MPDZ: variants seen among roughly 807,000 people sequenced by gnomAD.
MPDZ encodes multiple PDZ domain protein.
A neutral mutation model predicts 239.1 loss-of-function variants in MPDZ; 234 were observed. The observed-to-expected ratio is 0.98, with a 90% confidence interval of 0.88 to 1.09. The LOEUF is 1.09. MPDZ is among the 50% of genes least tolerant of loss of function. The pLI, the probability that MPDZ is intolerant of heterozygous loss-of-function variation, is 0.00. For missense variants in MPDZ, 3,175 were observed against 2,510.0 expected, an observed-to-expected ratio of 1.26 and a Z score of -5.66; for synonymous variants, 1,048 against 881.3, an observed-to-expected ratio of 1.19 and a Z score of -3.35.
chr9:13,177,062 A>T (rs914011276), intron 19 of MPDZ, among the ~76,000 whole-genome samples: 1 of 152,206 alleles, frequency 6.6e-6, no homozygotes, highest in Non-Finnish European at 1.5e-5. Context: ...AACAATTTGT[A>T]TATCACAGAA....
intron 22 of MPDZ, among the ~76,000 whole-genome samples, chr9:13,164,862 T>C (rs1162978075): frequency 6.6e-6 from 1 of 152,114 alleles, no homozygotes; most frequent in Non-Finnish European, 1.5e-5. Context: ...GGTCACAGGA[T>C]CATACAGAAC....
chr9:13,221,363 G>A lies in MPDZ; in HGVS notation c.876+9C>T, dbSNP rs1959073994. 6.3e-7 allele frequency: 1 copy of A among 1,596,310 alleles called. No homozygotes were observed. Among genetic ancestry groups the A allele is most frequent in the Non-Finnish European group, 8.5e-7 (1 of 1,171,088 alleles). On this transcript the variant is annotated intron_variant, in intron 7 of 46. Transcript: ENST00000319217. ...AAAATAGCATAAAAGATCTATTGAT[G>A]TAGCCTACCTGATCAGCTACTCCTC...
intron 1 of MPDZ, among the ~76,000 whole-genome samples, chr9:13,254,495 AGTT>A (rs1364882031): frequency 2.6e-5 from 4 of 152,194 alleles, no homozygotes; most frequent in Non-Finnish European, 4.4e-5. Flanking sequence ...TTTTATTATT[AGTT>A]GTTGTTAATC....
At chr9:13,127,731 A>T (rs1945332632) in intron 32 of MPDZ, among the ~76,000 whole-genome samples, 1 of 152,132 alleles carries the variant, frequency 6.6e-6, no homozygotes, top group Admixed American at 6.5e-5. Flanking sequence ...TGAGTTTGAA[A>T]CTGTCACTGA....
chr9:13,233,062 G>A (rs902553775), intron 3 of MPDZ, among the ~76,000 whole-genome samples: 3 of 152,114 alleles, frequency 2.0e-5, no homozygotes, highest in African/African-American at 4.8e-5. Context: ...TGTGAGCATT[G>A]ATGTGGAGCC....
chr9:13,248,176 C>T (rs1347404403), intron 2 of MPDZ, among the ~76,000 whole-genome samples: 3 of 144,196 alleles, frequency 2.1e-5, no homozygotes, highest in South Asian at 2.2e-4. Context: ...TGCAGTGAGC[C>T]GAGATTGGGC....
At chr9:13,257,433 A>G (rs1012103530) in intron 1 of MPDZ, among the ~76,000 whole-genome samples, 3 of 152,214 alleles carry the variant, frequency 2.0e-5, no homozygotes, top group Admixed American at 1.3e-4. Flanking sequence ...TTTAAAGCCC[A>G]AACTCTATCA....
intron 3 of MPDZ, among the ~76,000 whole-genome samples, chr9:13,244,655 T>C (rs1158518623): frequency 6.6e-6 from 1 of 152,146 alleles, no homozygotes; most frequent in East Asian, 1.9e-4. Flanking sequence ...GCCCTCTCAG[T>C]TACACACCTG....
At chr9:13,160,246 G>C (rs919977928) in intron 23 of MPDZ, among the ~76,000 whole-genome samples, 1 of 152,088 alleles carries the variant, frequency 6.6e-6, no homozygotes, top group African/African-American at 2.4e-5. Flanking sequence ...TCTACACTTG[G>C]CTCTGGCATT....
intron 3 of MPDZ, among the ~76,000 whole-genome samples, chr9:13,241,689 C>A (rs1965440770): frequency 6.6e-6 from 1 of 152,152 alleles, no homozygotes; most frequent in South Asian, 2.1e-4. Flanking sequence ...TAAAATAGAG[C>A]AAGAAAATGC....
chr9:13,162,007 T>C (rs1950545567), intron 23 of MPDZ, among the ~76,000 whole-genome samples: 1 of 152,016 alleles, frequency 6.6e-6, no homozygotes, highest in African/African-American at 2.4e-5. Context: ...TGCATGCCTG[T>C]GAATCCCAGC....
At chr9:13,224,291 T>A in intron 4 of MPDZ, 83 bp downstream of exon 4, 1 of 1,277,210 alleles carries the variant, frequency 7.8e-7, no homozygotes, top group Non-Finnish European at 1.1e-6. Context: ...AATGTCACTA[T>A]ATTCTTCAAA....
intron 25 of MPDZ, among the ~76,000 whole-genome samples, chr9:13,149,480 TGAAAACTCA>T (rs1948869942): frequency 6.6e-6 from 1 of 152,104 alleles, no homozygotes; most frequent in Non-Finnish European, 1.5e-5. Flanking sequence ...CTGTAAATCC[TGAAAACTCA>T]GAAAATCTAG....
At chr9:13,221,206 T>G (rs962071565) in intron 7 of MPDZ, among the ~76,000 whole-genome samples, 166 bp downstream of exon 7, 1 of 151,972 alleles carries the variant, frequency 6.6e-6, no homozygotes, top group African/African-American at 2.4e-5. Context: ...ATTCCTCCCC[T>G]AGGTCTAAGA....
At chr9:13,186,480 G>C (rs1954122834) in intron 17 of MPDZ, 94 bp from the exon 18 acceptor site, 1 of 813,050 alleles carries the variant, frequency 1.2e-6, no homozygotes, top group Non-Finnish European at 2.0e-6. Context: ...AAGTGAGGGG[G>C]GCGAGAAGAG....
At chr9:13,237,606 C>A (rs547612897) in intron 3 of MPDZ, among the ~76,000 whole-genome samples, 52 of 151,302 alleles carry the variant, frequency 3.4e-4, no homozygotes. Context: ...TACTGAAAAT[C>A]AAACTATGAT....
intron 24 of MPDZ, 32 bp downstream of exon 24, chr9:13,157,986 T>C (rs768906937): frequency 1.9e-5 from 30 of 1,558,262 alleles, no homozygotes; most frequent in South Asian, 1.0e-4. Flanking sequence ...TATATATCCA[T>C]TGGGTGGACA....
intron 23 of MPDZ, among the ~76,000 whole-genome samples, chr9:13,160,834 ATATATATATATATAT>A (rs1950379082): frequency 1.2e-5 from 1 of 81,014 alleles, no homozygotes; most frequent in African/African-American, 5.5e-5. Context: ...TTAAAATTAT[ATATATATATATATAT>A]ATATATATAT....
intron 3 of MPDZ, among the ~76,000 whole-genome samples, chr9:13,239,426 G>T (rs1248386600): frequency 6.6e-6 from 1 of 152,070 alleles, no homozygotes; most frequent in Non-Finnish European, 1.5e-5. Context: ...TTGTTGTAAT[G>T]ATGAAACCAT....
Sources: gnomAD v4.1 joint callset for allele counts (sites outside exome capture counted in the v4.1 genomes callset) on GRCh38, gnomAD v4.1.1 for gene constraint, MANE v1.5 for transcripts, NCBI Gene and HGNC (gene_info 2026-07-23, HGNC 2026-07-21) for gene names.